DTYMK: variants seen among roughly 807,000 people sequenced by gnomAD.
The protein encoded by DTYMK is deoxythymidylate kinase.
A neutral mutation model predicts 20.3 loss-of-function variants in DTYMK; 20 were observed. The ratio of observed to expected loss-of-function variants is 0.99; its 90% CI spans 0.69 to 1.43. DTYMK has a LOEUF of 1.43. Among genes scored for constraint, DTYMK ranks in the 40% most tolerant of loss-of-function variants. The pLI, the probability that DTYMK is intolerant of heterozygous loss-of-function variation, is 0.00. For missense variants in DTYMK, 320 were observed against 291.1 expected (o/e 1.10, Z -0.72); for synonymous variants, 148 against 124.4 (o/e 1.19, Z -1.27).
chr2:241,686,592 A>G lies in DTYMK; in HGVS notation c.130+62T>C, dbSNP rs959848262. 2.8e-6 allele frequency: 4 copies of G among 1,424,566 alleles called. No individual in the cohort carries two copies. In the East Asian group the frequency reaches 1.1e-4, roughly 41 times the overall value. The allele number at this position is 1,424,566 out of a possible 1,614,324, so 88.2% of individuals were successfully genotyped here. ...AGCCGCAGACAACGAAGCGGAGCAAAGAGCCCCTGGGAAGGCAGAGGCACC... is the reference window on the plus strand; with the variant it reads ...AGCCGCAGACAACGAAGCGGAGCAAGGAGCCCCTGGGAAGGCAGAGGCACC... On this transcript the variant is annotated intron_variant, in intron 1 of 4. Coordinates refer to ENST00000305784, the MANE Select transcript of DTYMK (RefSeq NM_012145.4).
chr2:241,684,522 G>A (rs892593070), intron 2 of DTYMK, among the ~76,000 whole-genome samples: 4 of 152,200 alleles, frequency 2.6e-5, no homozygotes, highest in Non-Finnish European at 4.4e-5. Context: ...GAGACAATGC[G>A]ACGACAATTA....
intron 4 of DTYMK, among the ~76,000 whole-genome samples, chr2:241,677,265 C>G (rs1382455288): frequency 6.6e-6 from 1 of 152,236 alleles, no homozygotes; most frequent in African/African-American, 2.4e-5. Flanking sequence ...TACACAAGGG[C>G]CACCTTCCCA....
At chr2:241,677,096 A>G (rs4675909) in intron 4 of DTYMK, among the ~76,000 whole-genome samples, 30,123 of 152,298 alleles carry the variant, frequency 0.2, 3,316 homozygotes, top group East Asian at 0.28. Flanking sequence ...AAGCGCTGGC[A>G]TCTCAGCGGC....
In DTYMK at chr2:241,678,464, A is replaced by G. The variant is rs1182418939; in HGVS notation, c.516T>C (p.Thr172=). ...CTGGGATTCTCACCTTCCAGTTCAAAGTCGTGTCTTTCATGAGCTGGTGGA... is the reference window on the plus strand; with the variant it reads ...CTGGGATTCTCACCTTCCAGTTCAAGGTCGTGTCTTTCATGAGCTGGTGGA... ...RCFHQLMKDT[T]LNWKMVDASK... The change falls in exon 4 of 5, where the codon ACT becomes ACC. Residue 172 remains threonine, a synonymous_variant. Coordinates refer to ENST00000305784, the MANE Select transcript of DTYMK (RefSeq NM_012145.4). 3 of 1,614,162 alleles carry G rather than the reference A, an allele frequency of 1.9e-6. No homozygotes were observed. Among genetic ancestry groups the G allele is most frequent in the Admixed American group, 1.7e-5 (1 of 60,030 alleles).
chr2:241,678,771 A>G, intron 3 of DTYMK, 122 bp from the exon 4 acceptor site: 2 of 1,114,118 alleles, frequency 1.8e-6, no homozygotes, highest in Non-Finnish European at 2.5e-6. Context: ...GACTGTTTAT[A>G]TTGTGGCTCG....
intron 4 of DTYMK, among the ~76,000 whole-genome samples, chr2:241,677,608 G>A (rs2069146465): frequency 6.6e-6 from 1 of 152,242 alleles, no homozygotes; most frequent in Non-Finnish European, 1.5e-5. Flanking sequence ...GGGCAGCGGT[G>A]GGCACGGGCG....
chr2:241,677,437 C>T (rs543342639), intron 4 of DTYMK, among the ~76,000 whole-genome samples: 1 of 152,388 alleles, frequency 6.6e-6, no homozygotes, highest in East Asian at 1.9e-4. Context: ...GCGTGACCAG[C>T]ATCATCTGCA....
intron 4 of DTYMK, 48 bp from the exon 5 acceptor site, chr2:241,676,285 C>A (rs1575100912): frequency 1.9e-6 from 3 of 1,550,332 alleles, no homozygotes; most frequent in South Asian, 1.2e-5. Context: ...TCAGCACGTT[C>A]CAGGCTGGTC....
At chr2:241,680,362 G>A (rs375542364) in intron 2 of DTYMK, 43 bp from the exon 3 acceptor site, 1 of 1,602,876 alleles carries the variant, frequency 6.2e-7, no homozygotes, top group Non-Finnish European at 8.5e-7. Flanking sequence ...TGTTTCATAG[G>A]CCTTGAACTG....
At chr2:241,685,924 CCCT>C (rs769831932) in intron 1 of DTYMK, 47 bp from the exon 2 acceptor site, 16 of 1,574,198 alleles carry the variant, frequency 1.0e-5, no homozygotes, top group Non-Finnish European at 8.7e-7. Flanking sequence ...ATCAGGCTTT[CCCT>C]CTATATTACA....
chr2:241,684,324 C>A (rs2069329307), intron 2 of DTYMK, among the ~76,000 whole-genome samples: 1 of 152,214 alleles, frequency 6.6e-6, no homozygotes, highest in African/African-American at 2.4e-5. Flanking sequence ...TCCATAAATT[C>A]TAGATGTGTT....
chr2:241,684,502 C>T (rs2069333217), intron 2 of DTYMK, among the ~76,000 whole-genome samples: 2 of 152,112 alleles, frequency 1.3e-5, no homozygotes, highest in Admixed American at 6.5e-5. Context: ...CTACACGTAC[C>T]GTGGTTCTAG....
chr2:241,684,659 CTA>C (rs1405017757), intron 2 of DTYMK: 3 of 431,298 alleles, frequency 7.0e-6, no homozygotes, highest in Admixed American at 3.1e-5. Context: ...AAAATTCTAA[CTA>C]TAGTAGTTTC....
At chr2:241,682,095 T>A in intron 2 of DTYMK, 1 of 354,638 alleles carries the variant, frequency 2.8e-6, no homozygotes, top group South Asian at 2.0e-5. Context: ...TCACAGCACT[T>A]TGGGAAACCA....
chr2:241,680,448 G>A (rs1054764792), intron 2 of DTYMK, 129 bp from the exon 3 acceptor site: 11 of 893,546 alleles, frequency 1.2e-5, no homozygotes, highest in Admixed American at 2.3e-5. Flanking sequence ...AGGCTGAGGC[G>A]GGCGGATCAC....
At chr2:241,680,122 C>A in intron 3 of DTYMK, 107 bp downstream of exon 3, 1 of 1,038,184 alleles carries the variant, frequency 9.6e-7, no homozygotes, top group Non-Finnish European at 1.4e-6. Flanking sequence ...ATAAGAATCA[C>A]GAAACTCTGC....
At chr2:241,684,304 A>C (rs570008432) in intron 2 of DTYMK, among the ~76,000 whole-genome samples, 1 of 152,344 alleles carries the variant, frequency 6.6e-6, no homozygotes, top group East Asian at 1.9e-4. Context: ...AAATCAGAAG[A>C]ACAATTGCCT....
intron 2 of DTYMK, among the ~76,000 whole-genome samples, chr2:241,680,743 T>C (rs1052220504): frequency 1.3e-5 from 2 of 152,170 alleles, no homozygotes; most frequent in African/African-American, 4.8e-5. Flanking sequence ...TACAGCACAG[T>C]GATTTGTAAC....
intron 3 of DTYMK, among the ~76,000 whole-genome samples, chr2:241,679,333 CCA>C (rs972059815): frequency 6.6e-6 from 1 of 152,330 alleles, no homozygotes; most frequent in African/African-American, 2.4e-5. Context: ...CGAGAACCTC[CCA>C]CAGAGCCTGC....
Sources: gnomAD v4.1 joint callset for allele counts (sites outside exome capture counted in the v4.1 genomes callset) on GRCh38, gnomAD v4.1.1 for gene constraint, MANE v1.5 for transcripts, NCBI Gene and HGNC (gene_info 2026-07-23, HGNC 2026-07-21) for gene names.